TMEM243: variants seen among roughly 807,000 people sequenced by gnomAD.
TMEM243 encodes the protein MDR1 and mitochondrial taxol resistance associated.
In TMEM243, 20 loss-of-function variants were observed where a neutral mutation model predicts 15.0. That is an observed-to-expected ratio of 1.33 (90% CI 0.94 to 1.93). The LOEUF (loss-of-function observed/expected upper bound fraction) is 1.93. Among genes scored for constraint, TMEM243 ranks in the 30% most tolerant of loss-of-function variants. TMEM243 has a pLI of 0.00. For missense variants in TMEM243, 156 were observed against 142.1 expected (o/e 1.10, Z -0.50); for synonymous variants, 72 against 52.7 (o/e 1.37, Z -1.59).
At chr7:87,209,803 C>T (rs1282165394) in intron 1 of TMEM243, among the ~76,000 whole-genome samples, 1 of 51,496 alleles carries the variant, frequency 1.9e-5, no homozygotes, top group African/African-American at 7.8e-5. Flanking sequence ...CGAGACAGAG[C>T]GAGAGACAGT....
intron 3 of TMEM243, chr7:87,197,716 T>TTG: frequency 3.4e-5 from 4 of 118,854 alleles, no homozygotes; most frequent in Non-Finnish European, 3.4e-5. Context: ...TTTTTTTTTT[T>TTG]AAGCTATCAA....
chr7:87,212,870 G>A (rs1293868984), intron 1 of TMEM243, among the ~76,000 whole-genome samples: 1 of 152,186 alleles, frequency 6.6e-6, no homozygotes, highest in African/African-American at 2.4e-5. Flanking sequence ...TACCATTAAA[G>A]AAGAGCTTAT....
intron 1 of TMEM243, among the ~76,000 whole-genome samples, chr7:87,216,273 CAAAAAA>C (rs3057445): frequency 2.4e-5 from 2 of 83,890 alleles, no homozygotes; most frequent in Admixed American, 1.2e-4. Context: ...GACTCCGTCT[CAAAAAA>C]AAAAAAAAAA....
At chr7:87,200,615 G>A (rs1801728693) in intron 1 of TMEM243, among the ~76,000 whole-genome samples, 1 of 152,104 alleles carries the variant, frequency 6.6e-6, no homozygotes, top group African/African-American at 2.4e-5. Flanking sequence ...GATCAAAGTA[G>A]GAGAAAAATA....
upstream of TMEM243, among the ~76,000 whole-genome samples, chr7:87,219,931 G>GC (rs1029255900): frequency 5.3e-5 from 8 of 152,166 alleles, no homozygotes; most frequent in Admixed American, 4.6e-4. Flanking sequence ...CCCACACGTC[G>GC]CCCCCCATTT....
intron 1 of TMEM243, among the ~76,000 whole-genome samples, chr7:87,206,159 C>T (rs1466071273): frequency 6.6e-6 from 1 of 152,134 alleles, no homozygotes; most frequent in Non-Finnish European, 1.5e-5. Context: ...GGGGAAACTG[C>T]CCCCATGATT....
intron 1 of TMEM243, among the ~76,000 whole-genome samples, chr7:87,205,645 C>G (rs539267371): frequency 6.6e-6 from 1 of 152,262 alleles, no homozygotes; most frequent in South Asian, 2.1e-4. Flanking sequence ...CTCCAGTTCC[C>G]AACAAGTTCT....
In TMEM243 at chr7:87,199,162, T is replaced by TC. The variant is rs1258395697; in HGVS notation, c.79-106dup. 4 of 848,826 alleles carry TC rather than the reference T, an allele frequency of 4.7e-6. No homozygotes were observed. In the East Asian group the frequency reaches 8.5e-5, roughly 18 times the overall value. 52.6% of individuals were successfully genotyped at this position (848,826 alleles called of 1,614,324 possible). A position where few individuals can be genotyped will look rare whatever the true frequency, so the allele number is the denominator to read the frequency against. On this transcript the variant is annotated intron_variant, in intron 1 of 3. Coordinates refer to ENST00000257637, the MANE Select transcript of TMEM243 (RefSeq NM_024315.4). Reference sequence around the variant, plus strand: ...TGGTTTACTATAAAGAAACCCAAGATCCAGTCCTCTGAGCTTTACACATAA... The same window carrying TC: ...TGGTTTACTATAAAGAAACCCAAGATCCCAGTCCTCTGAGCTTTACACATAA...
chr7:87,203,044 T>C (rs1035194454), intron 1 of TMEM243: 5 of 152,410 alleles, frequency 3.3e-5, no homozygotes, highest in African/African-American at 1.2e-4. Context: ...GGGAGGAAAC[T>C]GGCAATAACA....
intron 1 of TMEM243, among the ~76,000 whole-genome samples, chr7:87,203,805 T>G (rs73208547): frequency 0.037 from 5,681 of 152,100 alleles, 124 homozygotes; most frequent in East Asian, 0.065. Context: ...CAAATCTAGG[T>G]ACACAGAAAA....
At chr7:87,217,269 T>C (rs1221372086) in intron 1 of TMEM243, among the ~76,000 whole-genome samples, 2 of 152,206 alleles carry the variant, frequency 1.3e-5, no homozygotes, top group African/African-American at 4.8e-5. Flanking sequence ...CACTGTGAAG[T>C]GGCTATTGTG....
At chr7:87,204,619 A>G (rs1802071545) in intron 1 of TMEM243, among the ~76,000 whole-genome samples, 1 of 152,320 alleles carries the variant, frequency 6.6e-6, no homozygotes, top group African/African-American at 2.4e-5. Flanking sequence ...TTAAAGCTCC[A>G]ATGTCTCACA....
intron 1 of TMEM243, among the ~76,000 whole-genome samples, chr7:87,209,885 TGA>T (rs1243259519): frequency 1.9e-4 from 22 of 116,438 alleles, no homozygotes; most frequent in African/African-American, 5.9e-4. Flanking sequence ...AGTGAGAGCG[TGA>T]GAGACAGTGA....
intron 1 of TMEM243, among the ~76,000 whole-genome samples, chr7:87,205,711 CA>C (rs1381936392): frequency 1.3e-5 from 2 of 152,026 alleles, no homozygotes; most frequent in Non-Finnish European, 2.9e-5. Flanking sequence ...TCACTATCAG[CA>C]TTTGGTCAAA....
chr7:87,203,456 A>T (rs536521669), intron 1 of TMEM243, among the ~76,000 whole-genome samples: 15 of 152,122 alleles, frequency 9.9e-5, no homozygotes, highest in South Asian at 2.1e-4. Context: ...CTACAAAAAA[A>T]ATATAAAAAT....
intron 1 of TMEM243, among the ~76,000 whole-genome samples, chr7:87,206,062 G>A (rs953201575): frequency 6.6e-6 from 1 of 152,294 alleles, no homozygotes; most frequent in East Asian, 1.9e-4. Flanking sequence ...GCAGGCAAGA[G>A]AGAAAATGAG....
chr7:87,218,050 G>A (rs2129241428), intron 1 of TMEM243, among the ~76,000 whole-genome samples: 1 of 152,382 alleles, frequency 6.6e-6, no homozygotes, highest in Non-Finnish European at 1.5e-5. Context: ...TCTTGGGACA[G>A]ATGGACAAAT....
At chr7:87,220,059 T>A (rs933967806), upstream of TMEM243, among the ~76,000 whole-genome samples, 2 of 152,242 alleles carry the variant, frequency 1.3e-5, no homozygotes, top group East Asian at 1.9e-4. Context: ...CCTAGCCTTC[T>A]GCGTCTCCCC....
intron 1 of TMEM243, among the ~76,000 whole-genome samples, chr7:87,199,781 A>G (rs1006644001): frequency 3.3e-5 from 5 of 152,166 alleles, no homozygotes; most frequent in African/African-American, 7.2e-5. Flanking sequence ...TGGTTAAATT[A>G]TTTTCTAAGA....
Sources: gnomAD v4.1 joint callset for allele counts (sites outside exome capture counted in the v4.1 genomes callset) on GRCh38, gnomAD v4.1.1 for gene constraint, MANE v1.5 for transcripts, NCBI Gene and HGNC (gene_info 2026-07-23, HGNC 2026-07-21) for gene names.